Variants in NMNAT2 observed in about 807,000 individuals in gnomAD.
The protein encoded by NMNAT2 is nicotinamide nucleotide adenylyltransferase 2, also known as nicotinamide/nicotinic acid mononucleotide adenylyltransferase 2.
A neutral mutation model predicts 41.6 loss-of-function variants in NMNAT2; 11 were observed. The ratio of observed to expected loss-of-function variants is 0.26; its 90% CI spans 0.17 to 0.44. NMNAT2 has a LOEUF of 0.44. Ranked by LOEUF, NMNAT2 falls within the 20% of genes least tolerant of loss-of-function variation. NMNAT2 has a pLI of 1.00. For synonymous variants in NMNAT2, 148 were observed against 151.2 expected, an observed-to-expected ratio of 0.98 and a Z score of 0.16; for missense variants, 288 against 407.7, an observed-to-expected ratio of 0.71 and a Z score of 2.53.
chr1:183,354,127 C>G (rs988721182), intron 1 of NMNAT2, among the ~76,000 whole-genome samples: 1 of 152,186 alleles, frequency 6.6e-6, no homozygotes, highest in Non-Finnish European at 1.5e-5. Context: ...AGCCCAAGCC[C>G]ACAGGTCTTG....
intron 1 of NMNAT2, among the ~76,000 whole-genome samples, chr1:183,366,077 C>A (rs911199938): frequency 2.6e-5 from 4 of 152,174 alleles, no homozygotes; most frequent in African/African-American, 9.7e-5. Context: ...CTACAACTGC[C>A]AAAATAGCAA....
At chr1:183,338,032 T>C (rs1257236131) in intron 1 of NMNAT2, among the ~76,000 whole-genome samples, 1 of 151,690 alleles carries the variant, frequency 6.6e-6, no homozygotes. Context: ...GGTTATGCCA[T>C]GAACTATAAC....
chr1:183,330,409 G>A (rs1367053615), intron 1 of NMNAT2, among the ~76,000 whole-genome samples: 1 of 152,230 alleles, frequency 6.6e-6, no homozygotes, highest in Non-Finnish European at 1.5e-5. Flanking sequence ...CTGGGACTGT[G>A]TTACAAAAGC....
chr1:183,338,774 G>A (rs1214412251), intron 1 of NMNAT2, among the ~76,000 whole-genome samples: 2 of 152,170 alleles, frequency 1.3e-5, no homozygotes, highest in Non-Finnish European at 2.9e-5. Flanking sequence ...GCTTCAGGAG[G>A]CTACAGAGGA....
At chr1:183,404,563 T>C (rs1648902626) in intron 1 of NMNAT2, among the ~76,000 whole-genome samples, 1 of 152,188 alleles carries the variant, frequency 6.6e-6, no homozygotes, top group Non-Finnish European at 1.5e-5. Context: ...AACACAGACA[T>C]TCGTGGCTTT....
chr1:183,318,568 CAG>C (rs781261302), intron 1 of NMNAT2, among the ~76,000 whole-genome samples: 18 of 152,108 alleles, frequency 1.2e-4, no homozygotes, highest in Non-Finnish European at 2.4e-4. Flanking sequence ...TTTCTGAGGG[CAG>C]AGAGTTTCTA....
rs539132308 is a variant in NMNAT2, at chr1:183,371,542, C to T, written c.85+46641G>A. ...TCTGGTGGGGGATGTTGATAATGGG[C>T]AAGGCTGTGCATGTGTGAAGGGGGG... On this transcript the variant is annotated intron_variant, in intron 1 of 10. Coordinates refer to ENST00000287713, the MANE Select transcript of NMNAT2 (RefSeq NM_015039.4). Among the ~76,000 whole-genome samples, 184 of 152,262 alleles carry T rather than the reference C, an allele frequency of 1.2e-3. 1 individual carries two copies. The highest frequency in any genetic ancestry group is 4.4e-3 in the African/African-American group (182 of 41,548).
At chr1:183,360,532 C>T (rs1451205412) in intron 1 of NMNAT2, among the ~76,000 whole-genome samples, 6 of 152,184 alleles carry the variant, frequency 3.9e-5, no homozygotes, top group African/African-American at 1.4e-4. Context: ...CACTTGGAGG[C>T]CCCTATAAAC....
rs1571558790 is a variant in NMNAT2 at position 183,264,169 on chromosome 1, A to T, written c.652-2866T>A. On this transcript the variant is annotated intron_variant, in intron 8 of 10. Coordinates refer to ENST00000287713, the MANE Select transcript of NMNAT2 (RefSeq NM_015039.4). Reference sequence around the variant, plus strand: ...CAAATTGATTCTGTAAACTTGATGAATGTTTCATATATGATGTTTGTAATA... The same window carrying T: ...CAAATTGATTCTGTAAACTTGATGATTGTTTCATATATGATGTTTGTAATA... 7.2e-5 allele frequency among the ~76,000 whole-genome samples: 11 copies of T among 152,202 alleles called. 1 individual carries two copies. The South Asian group carries it at 2.3e-3, about 32-fold the overall frequency.
chr1:183,378,152 G>A (rs1156532815), intron 1 of NMNAT2, among the ~76,000 whole-genome samples: 1 of 152,124 alleles, frequency 6.6e-6, no homozygotes, highest in East Asian at 1.9e-4. Context: ...AGCACTTTGG[G>A]AGGCCAAGGT....
intron 1 of NMNAT2, among the ~76,000 whole-genome samples, chr1:183,299,698 T>C (rs1661798611): frequency 6.6e-6 from 1 of 151,906 alleles, no homozygotes; most frequent in African/African-American, 2.4e-5. Flanking sequence ...ATTAATGCTT[T>C]CCAGGGGTTA....
At chr1:183,341,105 G>A (rs1427770163) in intron 1 of NMNAT2, among the ~76,000 whole-genome samples, 5 of 152,164 alleles carry the variant, frequency 3.3e-5, no homozygotes, top group Non-Finnish European at 5.9e-5. Context: ...AACCCAGGTC[G>A]GCTAAGCCCA....
intron 1 of NMNAT2, among the ~76,000 whole-genome samples, chr1:183,319,116 C>T (rs1662310343): frequency 6.6e-6 from 1 of 152,150 alleles, no homozygotes; most frequent in Non-Finnish European, 1.5e-5. Flanking sequence ...AGAAGCTATG[C>T]TGAAGTAGAA....
chr1:183,331,806 GAGAC>G (rs1465118508), intron 1 of NMNAT2, among the ~76,000 whole-genome samples: 1 of 150,946 alleles, frequency 6.6e-6, no homozygotes, highest in East Asian at 2.0e-4. Context: ...TTTATTTTTT[GAGAC>G]GGAGTCTCAC....
chr1:183,325,415 C>T (rs940261938), intron 1 of NMNAT2, among the ~76,000 whole-genome samples: 1 of 152,212 alleles, frequency 6.6e-6, no homozygotes, highest in Non-Finnish European at 1.5e-5. Context: ...GAAATACATA[C>T]ATTTATCTGC....
At chr1:183,269,402 A>G (rs1319812164) in intron 8 of NMNAT2, among the ~76,000 whole-genome samples, 2 of 152,246 alleles carry the variant, frequency 1.3e-5, no homozygotes, top group African/African-American at 2.4e-5. Flanking sequence ...CGGCAACAGG[A>G]TCCAATGTAT....
chr1:183,344,438 C>T (rs1471241386), intron 1 of NMNAT2, among the ~76,000 whole-genome samples: 2 of 152,150 alleles, frequency 1.3e-5, no homozygotes, highest in African/African-American at 4.8e-5. Flanking sequence ...TAGCACATGC[C>T]TGATATCCAT....
intron 1 of NMNAT2, among the ~76,000 whole-genome samples, chr1:183,402,786 G>T (rs938748453): frequency 6.6e-6 from 1 of 152,150 alleles, no homozygotes. Context: ...CTTTGGACAG[G>T]TTCCCTCTGG....
At chr1:183,307,067 G>A (rs772122669) in intron 1 of NMNAT2, among the ~76,000 whole-genome samples, 6 of 152,038 alleles carry the variant, frequency 3.9e-5, no homozygotes, top group South Asian at 4.1e-4. Context: ...AAAAAAAAAT[G>A]TGCAGCTTGC....
Sources: allele counts gnomAD v4.1 joint callset (sites outside exome capture counted in the v4.1 genomes callset), GRCh38; gene constraint gnomAD v4.1.1; transcripts MANE v1.5; gene names NCBI Gene and HGNC (gene_info 2026-07-23, HGNC 2026-07-21).